Variants in PPA2 observed in about 807,000 individuals in gnomAD.
The protein encoded by PPA2 is inorganic pyrophosphatase 2, mitochondrial.
PPA2 carries 48 observed loss-of-function variants against 49.5 expected under a neutral mutation model. The observed-to-expected ratio is 0.97, with a 90% confidence interval of 0.77 to 1.23. The LOEUF is 1.23. Ranked by LOEUF, PPA2 falls within the 50% of genes most tolerant of loss-of-function variation. The pLI, the probability that PPA2 is intolerant of heterozygous loss-of-function variation, is 0.00. For missense variants in PPA2, 429 were observed against 410.1 expected (o/e 1.05, Z -0.40); for synonymous variants, 131 against 139.9 (o/e 0.94, Z 0.45).
chr4:105,446,949 T>C (rs2110301710), intron 4 of PPA2, among the ~76,000 whole-genome samples: 1 of 152,254 alleles, frequency 6.6e-6, no homozygotes, highest in South Asian at 2.1e-4. Flanking sequence ...GATGCCCACT[T>C]TTGCCACTTT....
At chr4:105,376,268 T>G (rs1733245598) in intron 10 of PPA2, among the ~76,000 whole-genome samples, 1 of 152,216 alleles carries the variant, frequency 6.6e-6, no homozygotes, top group African/African-American at 2.4e-5. Context: ...GCACTGCTTT[T>G]TACAATTCAG....
chr4:105,455,807 C>G (rs1391586095), intron 2 of PPA2, among the ~76,000 whole-genome samples: 3 of 152,212 alleles, frequency 2.0e-5, no homozygotes, highest in African/African-American at 7.2e-5. Flanking sequence ...TCAGTGGCCT[C>G]TGCCCCTATA....
intron 4 of PPA2, among the ~76,000 whole-genome samples, chr4:105,449,096 A>G (rs889035447): frequency 7.2e-6 from 1 of 138,932 alleles, no homozygotes; most frequent in Non-Finnish European, 1.5e-5. Flanking sequence ...GGGCGCCTGT[A>G]GTCCTAGCTA....
intron 7 of PPA2, among the ~76,000 whole-genome samples, chr4:105,415,015 T>C (rs1471173015): frequency 6.6e-6 from 1 of 151,966 alleles, no homozygotes; most frequent in East Asian, 1.9e-4. Context: ...CGCAGGCAGG[T>C]TGTCCCGTCC....
At chr4:105,414,177 T>A (rs554429188) in intron 7 of PPA2, among the ~76,000 whole-genome samples, 26 of 152,266 alleles carry the variant, frequency 1.7e-4, no homozygotes, top group African/African-American at 5.5e-4. Flanking sequence ...GGCAAAAAAA[T>A]AATAAACTAT....
intron 9 of PPA2, among the ~76,000 whole-genome samples, chr4:105,392,124 G>T (rs181384960): frequency 2.2e-4 from 33 of 152,096 alleles, no homozygotes; most frequent in African/African-American, 7.0e-4. Context: ...GGACTGAAGA[G>T]TAAACTCAAA....
At chr4:105,454,302 CTGT>C (rs111229489) in intron 2 of PPA2, among the ~76,000 whole-genome samples, 8,060 of 146,344 alleles carry the variant, frequency 0.055, 349 homozygotes, top group African/African-American at 0.12. Flanking sequence ...TTTGCTGCTG[CTGT>C]TGTTGTTGTT....
rs561246185 is a variant in PPA2, at chr4:105,392,382, C to A, written c.869+3867G>T. 3.0e-3 allele frequency among the ~76,000 whole-genome samples: 457 copies of A among 151,654 alleles called. 5 individuals are homozygous for A. The highest frequency in any genetic ancestry group is 0.011 in the African/African-American group (441 of 41,336). ...AGTCACTACCTGGATTAAAAAAAAA[C>A]AAAAACAAGGCTGGGAGTGGTGGCT... On this transcript the variant is annotated intron_variant, in intron 9 of 11. Transcript: ENST00000341695.
At chr4:105,466,913 G>C (rs1391576721) in intron 1 of PPA2, among the ~76,000 whole-genome samples, 1 of 152,114 alleles carries the variant, frequency 6.6e-6, no homozygotes, top group Non-Finnish European at 1.5e-5. Flanking sequence ...GTCCCTAGGA[G>C]GTCACATACC....
At chr4:105,445,690 C>G (rs529629740) in intron 5 of PPA2, among the ~76,000 whole-genome samples, 1 of 152,184 alleles carries the variant, frequency 6.6e-6, no homozygotes, top group East Asian at 1.9e-4. Context: ...AGATGGTTCT[C>G]TGTGTCCCCA....
chr4:105,455,327 C>T (rs1177241448), intron 2 of PPA2, among the ~76,000 whole-genome samples: 1 of 152,196 alleles, frequency 6.6e-6, no homozygotes, highest in Non-Finnish European at 1.5e-5. Flanking sequence ...CACTTTCACA[C>T]ACTCGCATGG....
chr4:105,464,139 A>T (rs1264333411), intron 1 of PPA2, among the ~76,000 whole-genome samples: 2 of 152,194 alleles, frequency 1.3e-5, no homozygotes, highest in Non-Finnish European at 2.9e-5. Flanking sequence ...ATACCCTGCA[A>T]AGCCACAGGG....
chr4:105,410,021 A>G (rs1722677049), intron 7 of PPA2, among the ~76,000 whole-genome samples: 1 of 152,258 alleles, frequency 6.6e-6, no homozygotes, highest in South Asian at 2.1e-4. Flanking sequence ...AAAGAATTGC[A>G]GCTCCTCGCC....
At chr4:105,425,171 C>T (rs773250566) in intron 6 of PPA2, among the ~76,000 whole-genome samples, 10 of 152,038 alleles carry the variant, frequency 6.6e-5, no homozygotes, top group Non-Finnish European at 1.0e-4. Context: ...TCCAGGCACT[C>T]GACATAACAC....
intron 1 of PPA2, among the ~76,000 whole-genome samples, chr4:105,468,446 T>C (rs1267906685): frequency 1.3e-5 from 2 of 152,086 alleles, no homozygotes; most frequent in Non-Finnish European, 2.9e-5. Context: ...AAAGAGAAAG[T>C]GATGAACTGT....
At chr4:105,468,220 G>C (rs28399933) in intron 1 of PPA2, among the ~76,000 whole-genome samples, 19 of 152,158 alleles carry the variant, frequency 1.2e-4, no homozygotes, top group African/African-American at 3.9e-4. Context: ...TTCCTTATCC[G>C]GCCCTTTACA....
At chr4:105,369,870 A>G in intron 11 of PPA2, 117 bp from the exon 12 acceptor site, 3 of 926,168 alleles carry the variant, frequency 3.2e-6, no homozygotes, top group Non-Finnish European at 5.2e-6. Flanking sequence ...ACAAACAGTC[A>G]TAAGCTATCT....
rs574952940 is a variant in PPA2 at position 105,412,439 on chromosome 4, G to C, written c.655+11757C>G. 3.3e-5 allele frequency among the ~76,000 whole-genome samples: 5 copies of C among 152,282 alleles called. No homozygotes were observed. In the East Asian group the frequency reaches 7.7e-4, roughly 23 times the overall value. On this transcript the variant is annotated intron_variant, in intron 7 of 11. Coordinates refer to ENST00000341695, the MANE Select transcript of PPA2 (RefSeq NM_176869.3). ...ACATAGGCATGGGCAAAGACTTCAT[G>C]ACTAAAACACCAAAAGCAATGGCAA...
chr4:105,421,596 T>C (rs1313972347), intron 7 of PPA2, among the ~76,000 whole-genome samples: 1 of 152,224 alleles, frequency 6.6e-6, no homozygotes, highest in African/African-American at 2.4e-5. Context: ...AAAACATTTA[T>C]ACTACAATCT....
Sources: allele counts gnomAD v4.1 joint callset (sites outside exome capture counted in the v4.1 genomes callset), GRCh38; gene constraint gnomAD v4.1.1; transcripts MANE v1.5; gene names NCBI Gene and HGNC (gene_info 2026-07-23, HGNC 2026-07-21).